The following RBFOX1 variants were observed in gnomAD, a reference collection of about 807,000 sequenced individuals.
RBFOX1 encodes RNA binding fox-1 homolog 1.
In RBFOX1, 8 loss-of-function variants were observed where a neutral mutation model predicts 57.7. The ratio of observed to expected loss-of-function variants is 0.14; its 90% CI spans 0.08 to 0.25. The LOEUF is 0.25. Ranked by LOEUF, RBFOX1 falls within the 10% of genes least tolerant of loss-of-function variation. The pLI is 1.00. For synonymous variants in RBFOX1, 326 were observed against 222.4 expected (o/e 1.47, Z -4.15); for missense variants, 611 against 548.5 (o/e 1.11, Z -1.14).
At chr16:6,827,107 C>A (rs943295725) in intron 3 of RBFOX1, among the ~76,000 whole-genome samples, 1 of 152,058 alleles carries the variant, frequency 6.6e-6, no homozygotes, top group African/African-American at 2.4e-5. Flanking sequence ...CTCTTAGTGT[C>A]CTTTAATCTA....
In RBFOX1 at chr16:7,587,230, T is replaced by C. The variant is rs750800481; in HGVS notation, c.415-17T>C. On this transcript the variant is annotated splice_polypyrimidine_tract_variant and intron_variant, in intron 6 of 15. Coordinates refer to ENST00000550418, the MANE Select transcript of RBFOX1 (RefSeq NM_018723.4). ...CATTTCTCTTCTTGCTTATAAGATA[T>C]TTCTATTTCTTTGCAGCAATTTGGT... 9 of 1,537,812 alleles carry C rather than the reference T, an allele frequency of 5.9e-6. No individual in the cohort carries two copies. Among genetic ancestry groups the C allele is most frequent in the Admixed American group, 2.0e-5 (1 of 50,460 alleles).
chr16:6,823,525 G>T (rs1452537548), intron 3 of RBFOX1, among the ~76,000 whole-genome samples: 2 of 152,054 alleles, frequency 1.3e-5, no homozygotes, highest in East Asian at 3.9e-4. Flanking sequence ...CCAAAGTGCT[G>T]GTATTACAGG....
chr16:5,931,030 G>T (rs1253437032), intron 4 of RBFOX1, among the ~76,000 whole-genome samples: 1 of 152,036 alleles, frequency 6.6e-6, no homozygotes, highest in Non-Finnish European at 1.5e-5. Context: ...GGATAGATGA[G>T]AAGTAAACTT....
intron 2 of RBFOX1, among the ~76,000 whole-genome samples, chr16:6,369,423 G>A (rs1355303668): frequency 6.6e-6 from 1 of 152,182 alleles, no homozygotes; most frequent in Non-Finnish European, 1.5e-5. Context: ...GAGAACGTTT[G>A]TCTTAGACAT....
intron 3 of RBFOX1, among the ~76,000 whole-genome samples, chr16:6,977,232 A>G (rs1432587701): frequency 6.7e-6 from 1 of 149,208 alleles, no homozygotes; most frequent in East Asian, 1.9e-4. Flanking sequence ...ATAATCATAT[A>G]TGATTTAAAA....
intron 13 of RBFOX1, among the ~76,000 whole-genome samples, chr16:7,668,129 C>G (rs2070031569): frequency 6.6e-6 from 1 of 152,194 alleles, no homozygotes; most frequent in Admixed American, 6.5e-5. Flanking sequence ...CAGCTTGCAT[C>G]TCAGAACTAC....
At chr16:5,246,775 A>G (rs1039346359) in intron 1 of RBFOX1, among the ~76,000 whole-genome samples, 5 of 151,810 alleles carry the variant, frequency 3.3e-5, no homozygotes, top group African/African-American at 1.2e-4. Context: ...AGCTCAATCA[A>G]TCCTTCCACC....
chr16:5,859,463 G>A (rs894420146), intron 3 of RBFOX1, among the ~76,000 whole-genome samples: 2 of 152,180 alleles, frequency 1.3e-5, no homozygotes, highest in Non-Finnish European at 2.9e-5. Flanking sequence ...GACAGGTAAG[G>A]TAACTTTCCC....
At chr16:5,832,334 C>T (rs1190246125) in intron 3 of RBFOX1, among the ~76,000 whole-genome samples, 1 of 152,126 alleles carries the variant, frequency 6.6e-6, no homozygotes, top group Non-Finnish European at 1.5e-5. Flanking sequence ...AGGGTGAATC[C>T]ACAGAAGGAA....
At chr16:5,356,307 C>G (rs141565286) in intron 1 of RBFOX1, among the ~76,000 whole-genome samples, 1 of 152,312 alleles carries the variant, frequency 6.6e-6, no homozygotes, top group Non-Finnish European at 1.5e-5. Context: ...AACTTCTAGG[C>G]TACAGAACTG....
chr16:5,957,701 G>T (rs1206119488), intron 4 of RBFOX1, among the ~76,000 whole-genome samples: 2 of 152,124 alleles, frequency 1.3e-5, no homozygotes, highest in African/African-American at 4.8e-5. Context: ...CACAGCAGGT[G>T]TGTATATTTG....
At chr16:5,968,575 ATT>A (rs1465313207) in intron 4 of RBFOX1, among the ~76,000 whole-genome samples, 1 of 151,926 alleles carries the variant, frequency 6.6e-6, no homozygotes, top group Non-Finnish European at 1.5e-5. Flanking sequence ...CCTGAAAATA[ATT>A]TTCTTTCCCT....
intron 4 of RBFOX1, among the ~76,000 whole-genome samples, chr16:7,475,246 T>A (rs1413760487): frequency 6.6e-6 from 1 of 151,932 alleles, no homozygotes; most frequent in East Asian, 1.9e-4. Flanking sequence ...AGTTCTGTTT[T>A]CAACACTCCT....
chr16:6,947,019 T>A (rs1453916648), intron 3 of RBFOX1, among the ~76,000 whole-genome samples: 2 of 152,204 alleles, frequency 1.3e-5, no homozygotes, highest in Non-Finnish European at 1.5e-5. Flanking sequence ...AGCAAGTCCC[T>A]TCACCTCTCT....
intron 3 of RBFOX1, among the ~76,000 whole-genome samples, chr16:6,805,443 G>T (rs1301642229): frequency 6.6e-6 from 1 of 152,118 alleles, no homozygotes; most frequent in Non-Finnish European, 1.5e-5. Context: ...TGGGTACTTG[G>T]CTTAGTACCT....
intron 4 of RBFOX1, among the ~76,000 whole-genome samples, chr16:7,160,774 C>T (rs1036540661): frequency 6.8e-6 from 1 of 147,724 alleles, no homozygotes; most frequent in Non-Finnish European, 1.5e-5. Flanking sequence ...TCCTCCGCCT[C>T]CCCCTTTTTT....
At chr16:6,877,477 G>T (rs536132118) in intron 3 of RBFOX1, among the ~76,000 whole-genome samples, 1 of 152,076 alleles carries the variant, frequency 6.6e-6, no homozygotes, top group Non-Finnish European at 1.5e-5. Context: ...CTTGATATCA[G>T]ACCATAAAAT....
intron 3 of RBFOX1, among the ~76,000 whole-genome samples, chr16:5,846,067 A>G (rs2056748552): frequency 6.6e-6 from 1 of 151,974 alleles, no homozygotes. Context: ...CAGTAATCCT[A>G]ACTACTTGGG....
At position 7,527,849 on chromosome 16, in the gene RBFOX1, C is replaced by A. The variant is rs186465293; in HGVS notation, c.270+9460C>A. Among the ~76,000 whole-genome samples the A allele has an allele frequency of 3.2e-3, 483 of 152,244 alleles. 1 individual carries two copies. Among genetic ancestry groups the A allele is most frequent in the South Asian group, 8.3e-3 (40 of 4,822 alleles). ...GCGGTCTCCTTGGTTCCGAGTTCTT[C>A]ATTAAAAATGTTTTATCCAGGAGAA... On this transcript the variant is annotated intron_variant, in intron 5 of 15. Transcript: ENST00000550418.
Sources: gnomAD v4.1 joint callset for allele counts (sites outside exome capture counted in the v4.1 genomes callset) on GRCh38, gnomAD v4.1.1 for gene constraint, MANE v1.5 for transcripts, NCBI Gene and HGNC (gene_info 2026-07-23, HGNC 2026-07-21) for gene names.